Variants in SPTA1 observed in about 807,000 individuals in gnomAD.
SPTA1 encodes spectrin alpha chain, erythrocytic 1.
In SPTA1, 177 loss-of-function variants were observed where a neutral mutation model predicts 324.7. The ratio of observed to expected loss-of-function variants is 0.55; its 90% CI spans 0.48 to 0.62. The LOEUF is 0.62. SPTA1 is among the 20% of genes least tolerant of loss of function. The pLI is 0.00. For synonymous variants in SPTA1, 1,195 were observed against 1,041.3 expected, an observed-to-expected ratio of 1.15 and a Z score of -2.84; for missense variants, 3,162 against 2,883.6, an observed-to-expected ratio of 1.10 and a Z score of -2.21.
In SPTA1 at chr1:158,681,520, T is replaced by G. The variant is rs1184163644; in HGVS notation, c.531+7A>C. On this transcript the variant is annotated splice_region_variant and intron_variant, in intron 4 of 51. Transcript: ENST00000643759. ...GCCCTGTGTGATTGCTGTTTTAAGT[T>G]CGATACCTTGTCTCCAATCCACTCT... is the stretch of plus-strand genomic sequence containing the variant. 2 of 1,613,444 alleles carry G rather than the reference T, an allele frequency of 1.2e-6. No individual in the cohort carries two copies. Among genetic ancestry groups the G allele is most frequent in the South Asian group, 1.1e-5 (1 of 91,082 alleles).
At position 158,686,637 on chromosome 1, in the gene SPTA1, T is replaced by TG. The variant is rs368830436; in HGVS notation, c.-121dup. On this transcript the variant is annotated 5_prime_UTR_variant, in exon 1 of 52. The change creates a premature stop within an existing upstream ORF in the 5' untranslated region. Transcript: ENST00000643759. ...TAGAAATATAGAAACGTTAAGTATG[T>TG]GGGGGAAAAAAAAAAACCTCTTGCT... is the stretch of plus-strand genomic sequence containing the variant. 204 of 715,850 alleles carry TG rather than the reference T, an allele frequency of 2.8e-4. No homozygotes were observed. Among genetic ancestry groups the TG allele is most frequent in the African/African-American group, 2.8e-3 (108 of 38,022 alleles). 44.3% of individuals were successfully genotyped at this position (715,850 alleles called of 1,614,324 possible). A position where few individuals can be genotyped will look rare whatever the true frequency, so the allele number is the denominator to read the frequency against.
intron 47 of SPTA1, among the ~76,000 whole-genome samples, 159 bp downstream of exon 47, chr1:158,617,377 AG>A (rs1423283867): frequency 6.6e-6 from 1 of 152,162 alleles, no homozygotes; most frequent in Non-Finnish European, 1.5e-5. Flanking sequence ...CAGAGATTTA[AG>A]TAGACTGAGG....
intron 7 of SPTA1, 80 bp from the exon 8 acceptor site, chr1:158,676,375 A>G: frequency 7.0e-7 from 1 of 1,436,648 alleles, no homozygotes; most frequent in Non-Finnish European, 9.7e-7. Flanking sequence ...AGAGGTATAA[A>G]AAATCATATG....
At position 158,611,156 on chromosome 1, in the gene SPTA1, C is replaced by G; in HGVS notation, c.*108G>C. ...GCACACACACACACACACACACACA[C>G]ACACACACACGAGGCCATCTTTATC... On this transcript the variant is annotated 3_prime_UTR_variant, in exon 52 of 52. Transcript: ENST00000643759. The G allele has an allele frequency of 1.5e-6, 2 of 1,372,324 alleles. No homozygotes were observed. Among genetic ancestry groups the G allele is most frequent in the Non-Finnish European group, 2.1e-6 (2 of 970,106 alleles). 85.0% of individuals were successfully genotyped at this position (1,372,324 alleles called of 1,614,324 possible).
chr1:158,686,641 G>GAA lies in SPTA1; in HGVS notation c.-125_-124insTT, dbSNP rs1655203971. On this transcript the variant is annotated 5_prime_UTR_variant, in exon 1 of 52. The change abolishes the stop of an existing upstream ORF in the 5' untranslated region. Transcript: ENST00000643759. ...AATATAGAAACGTTAAGTATGTGGGGGAAAAAAAAAAACCTCTTGCTTGGT... is the reference window on the plus strand; with the variant it reads ...AATATAGAAACGTTAAGTATGTGGGGAAGAAAAAAAAAAACCTCTTGCTTGGT... 8.7e-6 allele frequency: 6 copies of GAA among 693,234 alleles called. No individual in the cohort carries two copies. The highest frequency in any genetic ancestry group is 2.8e-4 in the Middle Eastern group (1 of 3,512). The allele number at this position is 693,234 out of a possible 1,614,324, so 42.9% of individuals were successfully genotyped here. A position where few individuals can be genotyped will look rare whatever the true frequency, so the allele number is the denominator to read the frequency against.
At chr1:158,679,339 G>A (rs775900651) in intron 5 of SPTA1, among the ~76,000 whole-genome samples, 3 of 151,996 alleles carry the variant, frequency 2.0e-5, no homozygotes, top group Non-Finnish European at 2.9e-5. Context: ...GGAAAAAATC[G>A]CATGCTATTT....
intron 33 of SPTA1, among the ~76,000 whole-genome samples, chr1:158,640,577 A>G (rs1049451942): frequency 6.6e-6 from 1 of 152,194 alleles, no homozygotes; most frequent in Non-Finnish European, 1.5e-5. Context: ...CAATTGCTTC[A>G]AAGAGAATAA....
At position 158,666,375 on chromosome 1, in the gene SPTA1, C is replaced by T. The variant is rs561521001; in HGVS notation, c.2161G>A (p.Glu721Lys). 6.4e-5 allele frequency: 104 copies of T among 1,613,946 alleles called. No individual in the cohort carries two copies. In the East Asian group the frequency reaches 1.4e-3, roughly 21 times the overall value. ...TGTTTCCTGAGTCGATTCTGTACCT[C>T]GGCCAGGCCTTTCCCATAATCCTCA... ...TSEDYGKGLA[E>K]VQNRLRKHGL... Residue 721 changes from glutamate (E) to lysine (K), a missense_variant, in exon 16 of 52, where the codon GAG (glutamate) becomes AAG (lysine). Glu to Lys is a moderately conservative substitution (Grantham distance 56). Coordinates refer to ENST00000643759, the MANE Select transcript of SPTA1 (RefSeq NM_003126.4).
chr1:158,681,698 C>T, intron 3 of SPTA1, 31 bp from the exon 4 acceptor site: 1 of 1,613,270 alleles, frequency 6.2e-7, no homozygotes, highest in South Asian at 1.1e-5. Context: ...ACCACTCAGC[C>T]ACAGACACTG....
Position 158,639,730 on chromosome 1 carries a change from C to T in SPTA1, c.4876-44G>A, listed in dbSNP as rs376129587. 16 of 1,612,524 alleles carry T rather than the reference C, an allele frequency of 9.9e-6. No homozygotes were observed. The African/African-American group carries it at 1.6e-4, about 16-fold the overall frequency. On this transcript the variant is annotated intron_variant, in intron 34 of 51. Transcript: ENST00000643759. The stretch of plus-strand genomic sequence containing the variant: ...GCAATAAAGCTGCCAGGTGAAACTG[C>T]CTTTAAGGAGAATAAGATCAGCAGC...
Position 158,645,320 on chromosome 1 carries a change from T to G in SPTA1, c.4062A>C (p.Glu1354Asp). Reference sequence around the variant, plus strand: ...TAGCATGGTGCCCACTGTCGATAAGTTCTGCACTGAAGTCCTCTAAGGCCT... The same window carrying G: ...TAGCATGGTGCCCACTGTCGATAAGGTCTGCACTGAAGTCCTCTAAGGCCT... ...TFQALEDFSA[E>D]LIDSGHHASP... The change falls in exon 29 of 52, where the codon GAA (glutamate) becomes GAC (aspartate). Residue 1354 changes from glutamate (E) to aspartate (D), a missense_variant. Transcript: ENST00000643759. 3 of 1,614,076 alleles carry G rather than the reference T, an allele frequency of 1.9e-6. No homozygotes were observed. The highest frequency in any genetic ancestry group is 2.5e-6 in the Non-Finnish European group (3 of 1,179,966).
chr1:158,611,201 CTT>C lies in SPTA1; in HGVS notation c.*61_*62del. 1 of 1,599,214 alleles carries C rather than the reference CTT, an allele frequency of 6.3e-7. No homozygotes were observed. Among genetic ancestry groups the C allele is most frequent in the Non-Finnish European group, 8.6e-7 (1 of 1,169,398 alleles). On this transcript the variant is annotated 3_prime_UTR_variant, in exon 52 of 52. Transcript: ENST00000643759. ...TTTATCTTCCACATTTGCCTGTACTCTTTGCCCCCCAGTAAATTTCCCACGAC... is the reference window on the plus strand; with the variant it reads ...TTTATCTTCCACATTTGCCTGTACTCTGCCCCCCAGTAAATTTCCCACGAC...
chr1:158,643,333 ACGTTGGAGCCG>A lies in SPTA1; in HGVS notation c.4420_4430del (p.Arg1474CysfsTer14). The A allele has an allele frequency of 6.2e-7, 1 of 1,613,908 alleles. No individual in the cohort carries two copies. Among genetic ancestry groups the A allele is most frequent in the Non-Finnish European group, 8.5e-7 (1 of 1,179,902 alleles). On this transcript the variant is annotated frameshift_variant, in exon 31 of 52. Coordinates refer to ENST00000643759, the MANE Select transcript of SPTA1 (RefSeq NM_003126.4). LOFTEE classifies it high-confidence loss of function. Reference sequence around the variant, plus strand: ...CACTCAGGCCTGACCTGTCTAGTACACGTTGGAGCCGCGTAGCAATCTCTTCTTTGGCATAG... The same window carrying A: ...CACTCAGGCCTGACCTGTCTAGTACACGTAGCAATCTCTTCTTTGGCATAG...
chr1:158,617,515 T>C (rs1649629814), intron 47 of SPTA1, 22 bp downstream of exon 47: 1 of 1,607,626 alleles, frequency 6.2e-7, no homozygotes, highest in South Asian at 1.1e-5. Context: ...ATATCTTCAG[T>C]TAATGAAAAA....
At chr1:158,643,446 G>C in intron 30 of SPTA1, 21 bp from the exon 31 acceptor site, 5 of 1,608,948 alleles carry the variant, frequency 3.1e-6, no homozygotes, top group Non-Finnish European at 4.2e-6. Flanking sequence ...GAAAAGGAAA[G>C]AGCCCAGATG....
At chr1:158,667,403 A>G (rs760523662) in intron 15 of SPTA1, among the ~76,000 whole-genome samples, 14 of 152,236 alleles carry the variant, frequency 9.2e-5, no homozygotes, top group Non-Finnish European at 2.1e-4. Flanking sequence ...AAAAAGATCA[A>G]CAAGTCATCA....
chr1:158,676,331 A>T (rs1294627909), intron 7 of SPTA1, 36 bp from the exon 8 acceptor site: 1 of 1,611,630 alleles, frequency 6.2e-7, no homozygotes, highest in South Asian at 1.1e-5. Flanking sequence ...AGGAAATCCA[A>T]GTACTCTGAC....
Position 158,674,669 on chromosome 1 carries a change from A to T in SPTA1, c.1119T>A (p.His373Gln), listed in dbSNP as rs1654281082. 6.2e-7 allele frequency: 1 copy of T among 1,613,796 alleles called. No individual in the cohort carries two copies. The highest frequency in any genetic ancestry group is 8.5e-7 in the Non-Finnish European group (1 of 1,179,958). Residue 373 changes from histidine to glutamine, a missense_variant, in exon 9 of 52, where the codon CAT becomes CAA. By Grantham distance (24) the His-to-Gln change is conservative. Transcript: ENST00000643759. Reference sequence around the variant, plus strand: ...GTTCATCAAAGTCAGATGAAAATCGATGGTACCTGTGGGAAAAGTGAGGTA... The same window carrying T: ...GTTCATCAAAGTCAGATGAAAATCGTTGGTACCTGTGGGAAAAGTGAGGTA... The part of the protein sequence containing the change: ...YEKLQATYWY[H>Q]RFSSDFDELS...
Position 158,666,349 on chromosome 1 carries a change from G to C in SPTA1, c.2187C>G (p.His729Gln), listed in dbSNP as rs780083079. ...LAEVQNRLRK[H>Q]GLLESAVAAR... Reference sequence around the variant, plus strand: ...CAGCCACAGCCGACTCCAGGAGGCCGTGTTTCCTGAGTCGATTCTGTACCT... The same window carrying C: ...CAGCCACAGCCGACTCCAGGAGGCCCTGTTTCCTGAGTCGATTCTGTACCT... Residue 729 changes from histidine to glutamine, a missense_variant, in exon 16 of 52, where the codon CAC becomes CAG. His to Gln is a conservative substitution (Grantham distance 24). Coordinates refer to ENST00000643759, the MANE Select transcript of SPTA1 (RefSeq NM_003126.4). 2.2e-5 allele frequency: 35 copies of C among 1,613,708 alleles called. No homozygotes were observed. In the East Asian group the frequency reaches 6.0e-4, roughly 28 times the overall value.
Sources: gnomAD v4.1 joint callset for allele counts (sites outside exome capture counted in the v4.1 genomes callset) on GRCh38, gnomAD v4.1.1 for gene constraint, MANE v1.5 for transcripts, NCBI Gene and HGNC (gene_info 2026-07-23, HGNC 2026-07-21) for gene names.